NEBL: variants seen among roughly 807,000 people sequenced by gnomAD.
NEBL encodes LIM and SH3 protein 2.
NEBL carries 122 observed loss-of-function variants against 140.2 expected under a neutral mutation model. The observed-to-expected ratio is 0.87, with a 90% confidence interval of 0.75 to 1.01. The LOEUF is 1.01. NEBL is among the 50% of genes least tolerant of loss of function. The pLI is 0.00. For missense variants in NEBL, 1,365 were observed against 1,231.3 expected (o/e 1.11, Z -1.62); for synonymous variants, 436 against 398.9 (o/e 1.09, Z -1.11).
chr10:20,974,799 G>A (rs566842337), intron 3 of NEBL, among the ~76,000 whole-genome samples: 1 of 152,286 alleles, frequency 6.6e-6, no homozygotes, highest in East Asian at 1.9e-4. Context: ...ACTTAGAAAA[G>A]TGTGTAGGTT....
rs1014624472 is a variant in NEBL, at chr10:21,075,094, C to T, written c.165-54893G>A. ...GTGCTAAGATTGCAGGTGTGAGCCA[C>T]GACACCCAGCCCAGAATTATTTTTT... On this transcript the variant is annotated intron_variant, in intron 2 of 6. Coordinates refer to the NEBL transcript ENST00000417816. 8.5e-5 allele frequency among the ~76,000 whole-genome samples: 13 copies of T among 152,182 alleles called. 1 individual carries two copies. The highest frequency in any genetic ancestry group is 2.1e-4 in the South Asian group (1 of 4,818).
intron 2 of NEBL, chr10:21,125,763 T>C: frequency 3.1e-6 from 4 of 1,299,914 alleles, no homozygotes; most frequent in Non-Finnish European, 3.3e-6. Context: ...GAAACAGAAC[T>C]CAGGCTCATT....
intron 2 of NEBL, among the ~76,000 whole-genome samples, chr10:21,080,268 A>G (rs1012818662): frequency 1.3e-5 from 2 of 152,260 alleles, no homozygotes; most frequent in African/African-American, 4.8e-5. Context: ...TGATATCCAT[A>G]TTCTGTGATC....
chr10:21,130,763 T>C (rs746589100), intron 2 of NEBL, among the ~76,000 whole-genome samples: 1 of 152,020 alleles, frequency 6.6e-6, no homozygotes, highest in South Asian at 2.1e-4. Flanking sequence ...ATTTATAACA[T>C]TGAATGCACT....
intron 11 of NEBL, 186 bp from the exon 12 acceptor site, chr10:20,845,554 G>A: frequency 1.8e-6 from 1 of 549,180 alleles, no homozygotes; most frequent in South Asian, 2.2e-5. Context: ...CCAAACAAAG[G>A]AGAATTATTA....
At chr10:21,000,486 C>T (rs1210048991) in intron 3 of NEBL, among the ~76,000 whole-genome samples, 1 of 152,112 alleles carries the variant, frequency 6.6e-6, no homozygotes, top group Non-Finnish European at 1.5e-5. Context: ...AGAATGTTGA[C>T]CTTCTGCAAA....
chr10:21,292,775 G>A (rs564442894), intron 1 of NEBL, among the ~76,000 whole-genome samples: 1 of 152,162 alleles, frequency 6.6e-6, no homozygotes, highest in Non-Finnish European at 1.5e-5. Context: ...ATCTGTATAA[G>A]GATAGATTGT....
At chr10:20,820,350 A>G (rs1229084495) in intron 19 of NEBL, among the ~76,000 whole-genome samples, 1 of 152,218 alleles carries the variant, frequency 6.6e-6, no homozygotes, top group East Asian at 1.9e-4. Context: ...ATAAATGAGC[A>G]TCAATAGAGA....
chr10:20,888,280 AAAG>A, intron 3 of NEBL, 73 bp from the exon 4 acceptor site: 2 of 920,988 alleles, frequency 2.2e-6, no homozygotes, highest in Non-Finnish European at 3.4e-6. Flanking sequence ...TATAAGTAGA[AAAG>A]AAGAAACTTT....
intron 13 of NEBL, among the ~76,000 whole-genome samples, chr10:20,837,008 C>CTCTCTTTGGG (rs1840968019): frequency 6.6e-6 from 1 of 152,142 alleles, no homozygotes; most frequent in African/African-American, 2.4e-5. Flanking sequence ...ATCTCTTTCC[C>CTCTCTTTGGG]TCTCTTTGGG....
chr10:21,066,971 C>CTTTTTTTTTTT (rs56352671), intron 2 of NEBL, among the ~76,000 whole-genome samples: 3 of 112,828 alleles, frequency 2.7e-5, no homozygotes, highest in Admixed American at 1.1e-4. Flanking sequence ...AATAATTTAA[C>CTTTTTTTTTTT]TTTTTTTTTT....
intron 18 of NEBL, 144 bp downstream of exon 18, chr10:20,826,303 G>T: frequency 1.4e-6 from 1 of 713,738 alleles, no homozygotes; most frequent in Non-Finnish European, 2.4e-6. Flanking sequence ...CTGAAAGTTA[G>T]ATCTTTGATA....
chr10:20,813,714 T>C (rs1162690387), intron 23 of NEBL: 2 of 535,836 alleles, frequency 3.7e-6, no homozygotes, highest in Non-Finnish European at 6.8e-6. Flanking sequence ...GTAGTCACGT[T>C]AGAAATAAAG....
Position 20,835,625 on chromosome 10 carries a change from T to G in NEBL, c.1339-2A>C. 6.3e-7 allele frequency: 1 copy of G among 1,588,376 alleles called. No individual in the cohort carries two copies. Among genetic ancestry groups the G allele is most frequent in the Non-Finnish European group, 8.6e-7 (1 of 1,159,508 alleles). ...CTCCAGGTCTTTCTTGTATTCTTTC[T>G]GCAAAAGACAACATTTTACAACATT... On this transcript the variant is annotated splice_acceptor_variant, in intron 13 of 27. Transcript: ENST00000377122. LOFTEE classifies it high-confidence loss of function.
At chr10:21,237,454 T>A (rs1170899637) in intron 3 of NEBL, among the ~76,000 whole-genome samples, 1 of 151,476 alleles carries the variant, frequency 6.6e-6, no homozygotes, top group African/African-American at 2.4e-5. Flanking sequence ...ATCCACCCAC[T>A]TCAGCCTCCC....
intron 2 of NEBL, among the ~76,000 whole-genome samples, chr10:21,062,795 C>T (rs1835361327): frequency 1.3e-5 from 2 of 152,260 alleles, no homozygotes; most frequent in South Asian, 2.1e-4. Flanking sequence ...ATTCCTACTA[C>T]AACACACCAG....
chr10:20,869,120 G>T (rs1268799467), intron 6 of NEBL, among the ~76,000 whole-genome samples: 1 of 152,100 alleles, frequency 6.6e-6, no homozygotes, highest in African/African-American at 2.4e-5. Context: ...TTATTCTCAG[G>T]AACTGTTCTG....
chr10:21,137,772 C>G (rs1329924241), intron 2 of NEBL, among the ~76,000 whole-genome samples: 2 of 151,656 alleles, frequency 1.3e-5, no homozygotes, highest in African/African-American at 2.4e-5. Context: ...TCTGCCATCT[C>G]TACAAAAAAA....
At chr10:21,231,496 G>T (rs113037789) in intron 3 of NEBL, among the ~76,000 whole-genome samples, 1,784 of 151,980 alleles carry the variant, frequency 0.012, 23 homozygotes, top group South Asian at 0.057. Flanking sequence ...CCGAGATGGC[G>T]CCACTGCACT....
Sources: gnomAD v4.1 joint callset for allele counts (sites outside exome capture counted in the v4.1 genomes callset) on GRCh38, gnomAD v4.1.1 for gene constraint, MANE v1.5 for transcripts, NCBI Gene and HGNC (gene_info 2026-07-23, HGNC 2026-07-21) for gene names.